Variants in STX8 observed in about 807,000 individuals in gnomAD.
STX8 encodes syntaxin 8.
STX8 carries 23 observed loss-of-function variants against 37.5 expected under a neutral mutation model. The ratio of observed to expected loss-of-function variants is 0.61; its 90% CI spans 0.44 to 0.87. The LOEUF is 0.87. STX8 is among the 40% of genes least tolerant of loss of function. The probability of loss-of-function intolerance (pLI) is 0.00; values close to 1 mark genes in which losing one functional copy is unlikely to be tolerated. For synonymous variants in STX8, 115 were observed against 99.1 expected, an observed-to-expected ratio of 1.16 and a Z score of -0.95; for missense variants, 313 against 284.7, an observed-to-expected ratio of 1.10 and a Z score of -0.71.
intron 7 of STX8, among the ~76,000 whole-genome samples, chr17:9,363,333 C>T (rs1053888193): frequency 5.3e-5 from 8 of 152,054 alleles, no homozygotes; most frequent in African/African-American, 1.5e-4. Flanking sequence ...TTTCAATTTA[C>T]GGATATAAAA....
intron 6 of STX8, among the ~76,000 whole-genome samples, chr17:9,387,535 C>T (rs551329156): frequency 1.6e-4 from 24 of 152,298 alleles, no homozygotes; most frequent in African/African-American, 5.3e-4. Flanking sequence ...CCTCATGATC[C>T]GCCCGCCTTG....
chr17:9,401,109 A>C (rs565008473), intron 6 of STX8, among the ~76,000 whole-genome samples: 4 of 152,206 alleles, frequency 2.6e-5, no homozygotes, highest in African/African-American at 9.7e-5. Context: ...ACAGCCTTAC[A>C]TTGCCATATC....
At chr17:9,262,220 T>C (rs557686443) in intron 7 of STX8, among the ~76,000 whole-genome samples, 79 of 151,914 alleles carry the variant, frequency 5.2e-4, no homozygotes, top group African/African-American at 1.7e-3. Flanking sequence ...CTGCGTTCCA[T>C]ACATCGAAAC....
intron 7 of STX8, among the ~76,000 whole-genome samples, chr17:9,324,187 A>G (rs959027447): frequency 6.6e-6 from 1 of 151,768 alleles, no homozygotes; most frequent in Admixed American, 6.6e-5. Flanking sequence ...TTGTACGTGT[A>G]TGTACAAGAA....
intron 7 of STX8, among the ~76,000 whole-genome samples, chr17:9,356,482 C>G (rs903738186): frequency 6.6e-6 from 1 of 152,206 alleles, no homozygotes; most frequent in Non-Finnish European, 1.5e-5. Flanking sequence ...GACCTGGTGT[C>G]TGCCAGCTCC....
chr17:9,281,878 G>T (rs1344397186), intron 7 of STX8, among the ~76,000 whole-genome samples: 1 of 152,180 alleles, frequency 6.6e-6, no homozygotes, highest in African/African-American at 2.4e-5. Context: ...AGGTTGCAGT[G>T]AGCTGAGATT....
At chr17:9,503,551 T>C (rs1242193587) in intron 5 of STX8, among the ~76,000 whole-genome samples, 1 of 152,238 alleles carries the variant, frequency 6.6e-6, no homozygotes, top group Non-Finnish European at 1.5e-5. Flanking sequence ...TCATTAATTT[T>C]TTTAAAGATG....
intron 7 of STX8, among the ~76,000 whole-genome samples, chr17:9,357,802 T>C (rs938243138): frequency 1.3e-5 from 2 of 152,212 alleles, no homozygotes; most frequent in African/African-American, 4.8e-5. Context: ...ATGGTTATGA[T>C]TGCAAAAGTA....
At chr17:9,459,056 T>G (rs374154093) in intron 6 of STX8, among the ~76,000 whole-genome samples, 1 of 152,050 alleles carries the variant, frequency 6.6e-6, no homozygotes, top group South Asian at 2.1e-4. Flanking sequence ...ATGGTCTCGA[T>G]CTCCTGACCT....
intron 7 of STX8, among the ~76,000 whole-genome samples, chr17:9,262,226 G>A (rs756261542): frequency 3.9e-5 from 6 of 152,154 alleles, no homozygotes; most frequent in Non-Finnish European, 7.3e-5. Context: ...TCCATACATC[G>A]AAACAACATA....
At chr17:9,430,534 C>G (rs1323851030) in intron 6 of STX8, among the ~76,000 whole-genome samples, 1 of 151,776 alleles carries the variant, frequency 6.6e-6, no homozygotes, top group Non-Finnish European at 1.5e-5. Flanking sequence ...TATATGTAAT[C>G]GCATATATCA....
chr17:9,386,560 G>A (rs1912021035), intron 6 of STX8, among the ~76,000 whole-genome samples: 1 of 152,072 alleles, frequency 6.6e-6, no homozygotes, highest in South Asian at 2.1e-4. Flanking sequence ...AAGCAGGGAG[G>A]GAGGGAGCTG....
intron 7 of STX8, among the ~76,000 whole-genome samples, chr17:9,360,014 G>A (rs73251911): frequency 0.019 from 2,831 of 151,914 alleles, 75 homozygotes; most frequent in African/African-American, 0.064. Context: ...TTAGTTCCGC[G>A]TGTCAAAGGG....
intron 7 of STX8, among the ~76,000 whole-genome samples, chr17:9,273,857 C>T (rs1356754962): frequency 6.6e-6 from 1 of 152,122 alleles, no homozygotes; most frequent in Non-Finnish European, 1.5e-5. Context: ...CTCAATGCAG[C>T]GGCTCTGTTG....
Position 9,435,660 on chromosome 17 carries a change from C to T in STX8, c.541+56169G>A, listed in dbSNP as rs74623551. Among the ~76,000 whole-genome samples, 55 of 152,196 alleles carry T rather than the reference C, an allele frequency of 3.6e-4. 1 individual carries two copies. The highest frequency in any genetic ancestry group is 9.6e-4 in the East Asian group (5 of 5,186). ...CTTACATGGAGTAGAAGAAAACGAG[C>T]GTTCGATTAAAGAGGGCCTTTAGTA... On this transcript the variant is annotated intron_variant, in intron 6 of 7. Coordinates refer to ENST00000306357, the MANE Select transcript of STX8 (RefSeq NM_004853.3).
At chr17:9,413,029 T>C (rs1462789768) in intron 6 of STX8, among the ~76,000 whole-genome samples, 1 of 152,218 alleles carries the variant, frequency 6.6e-6, no homozygotes, top group East Asian at 1.9e-4. Flanking sequence ...GGCATTGGGC[T>C]AAGTCCTAGA....
intron 3 of STX8, among the ~76,000 whole-genome samples, chr17:9,547,642 A>AAAAAAAG (rs10694244): frequency 0.031 from 3,578 of 114,690 alleles, 203 homozygotes; most frequent in African/African-American, 0.049. Context: ...AAAAAAAAGA[A>AAAAAAAG]AAAAGAAAAG....
intron 6 of STX8, among the ~76,000 whole-genome samples, chr17:9,427,737 G>GA (rs1448490386): frequency 3.3e-5 from 5 of 152,160 alleles, no homozygotes; most frequent in African/African-American, 1.2e-4. Context: ...GACACAGAGG[G>GA]AAGATGCCTG....
chr17:9,478,747 C>T (rs1906198685), intron 6 of STX8, among the ~76,000 whole-genome samples: 1 of 152,134 alleles, frequency 6.6e-6, no homozygotes, highest in Non-Finnish European at 1.5e-5. Context: ...TACATTTATG[C>T]AGAAATATAA....
Sources: gnomAD v4.1 joint callset for allele counts (sites outside exome capture counted in the v4.1 genomes callset) on GRCh38, gnomAD v4.1.1 for gene constraint, MANE v1.5 for transcripts, NCBI Gene and HGNC (gene_info 2026-07-23, HGNC 2026-07-21) for gene names.